The following NTN5 variants were observed in gnomAD, a reference collection of about 807,000 sequenced individuals.
NTN5 encodes the protein netrin-5.
In NTN5, 42 loss-of-function variants were observed where a neutral mutation model predicts 38.7. That is an observed-to-expected ratio of 1.08 (90% confidence interval 0.85 to 1.40). The LOEUF (loss-of-function observed/expected upper bound fraction) is 1.40, where lower values mean the gene tolerates loss of function less well. NTN5 is among the 40% of genes most tolerant of loss of function. NTN5 has a pLI of 0.00. For synonymous variants in NTN5, 329 were observed against 303.9 expected, an observed-to-expected ratio of 1.08 and a Z score of -0.86; for missense variants, 658 against 716.5, an observed-to-expected ratio of 0.92 and a Z score of 0.93.
At position 48,661,721 on chromosome 19, in the gene NTN5, G is replaced by A. The variant is rs533570940; in HGVS notation, c.1426C>T (p.Arg476Cys). 34 of 1,553,278 alleles carry A rather than the reference G, an allele frequency of 2.2e-5. No homozygotes were observed. The highest frequency in any genetic ancestry group is 2.8e-5 in the Non-Finnish European group (32 of 1,159,754). Residue 476 changes from arginine (R) to cysteine (C), a missense_variant, in exon 7 of 7, where the codon CGC (arginine) becomes TGC (cysteine). Physicochemically the swap from Arg to Cys is radical, Grantham distance 180. Coordinates refer to ENST00000270235, the MANE Select transcript of NTN5 (RefSeq NM_145807.4). The part of the protein sequence containing the change: ...LQQEERAGGC[R>C]GVRAPTPSPR... Reference sequence around the variant, plus strand: ...CTGGGTGTGGGTGCCCGCACGCCGCGGCAGCCTCCGGCGCGCTCCTCCTGC... The same window carrying A: ...CTGGGTGTGGGTGCCCGCACGCCGCAGCAGCCTCCGGCGCGCTCCTCCTGC...
At chr19:48,669,050 C>CACCACT (rs2031783694) in intron 2 of NTN5, among the ~76,000 whole-genome samples, 1 of 145,350 alleles carries the variant, frequency 6.9e-6, no homozygotes, top group Non-Finnish European at 1.5e-5. Context: ...TCACCACCAC[C>CACCACT]ATCACCATCA....
chr19:48,664,908 C>G (rs149374970), intron 2 of NTN5, 141 bp from the exon 3 acceptor site: 5 of 645,494 alleles, frequency 7.7e-6, no homozygotes, highest in Admixed American at 4.1e-5. Context: ...CCCAGGACAT[C>G]TCTATTATTA....
chr19:48,668,719 C>T (rs1355616862), intron 2 of NTN5, among the ~76,000 whole-genome samples: 1 of 152,124 alleles, frequency 6.6e-6, no homozygotes, highest in African/African-American at 2.4e-5. Context: ...TGAGTCTCCT[C>T]ATCTGTAAAA....
chr19:48,664,615 G>C lies in NTN5; in HGVS notation c.784C>G (p.Pro262Ala). 6.2e-7 allele frequency: 1 copy of C among 1,613,520 alleles called. No homozygotes were observed. The highest frequency in any genetic ancestry group is 8.5e-7 in the Non-Finnish European group (1 of 1,179,840). The change falls in exon 3 of 7, where the codon CCT becomes GCT. Residue 262 changes from proline to alanine, a missense_variant. Pro to Ala is a conservative substitution (Grantham distance 27, BLOSUM62 -1). Transcript: ENST00000270235. The part of the protein sequence containing the change: ...HYCQPGFWRD[P>A]SQPIFSRRAC... ...CTGCGGCTGAAGATAGGCTGGCTAGGGTCCCTCCAGAACCCAGGTTGGCAG... is the reference window on the plus strand; with the variant it reads ...CTGCGGCTGAAGATAGGCTGGCTAGCGTCCCTCCAGAACCCAGGTTGGCAG...
chr19:48,669,258 C>T (rs1310162718), intron 2 of NTN5, among the ~76,000 whole-genome samples: 1 of 16,738 alleles, frequency 6.0e-5, no homozygotes, highest in Admixed American at 4.3e-4. Flanking sequence ...ATCACCACCA[C>T]CACGACCATC....
chr19:48,667,870 A>AT (rs2031745658), intron 2 of NTN5, among the ~76,000 whole-genome samples: 2 of 151,972 alleles, frequency 1.3e-5, no homozygotes, highest in Admixed American at 6.6e-5. Context: ...GAAAAAAAAA[A>AT]GAAATAGAGG....
chr19:48,669,739 T>TCAC (rs2031870137), intron 2 of NTN5, among the ~76,000 whole-genome samples: 2 of 43,944 alleles, frequency 4.6e-5, no homozygotes, highest in African/African-American at 9.6e-5. Context: ...ACCATCACCA[T>TCAC]CACCACCACC....
At chr19:48,669,201 TC>T (rs2031800416) in intron 2 of NTN5, among the ~76,000 whole-genome samples, 1 of 16,234 alleles carries the variant, frequency 6.2e-5, no homozygotes, top group Non-Finnish European at 9.9e-5. Context: ...ATCACCACCA[TC>T]ACCATCACCA....
chr19:48,669,643 TCACCACCACCAA>T, intron 2 of NTN5, among the ~76,000 whole-genome samples: 2 of 54,190 alleles, frequency 3.7e-5, no homozygotes, highest in East Asian at 8.8e-4. Context: ...GTCATCACCA[TCACCACCACCAA>T]CACCACCACC....
At chr19:48,668,287 C>T (rs904772300) in intron 2 of NTN5, among the ~76,000 whole-genome samples, 8 of 152,114 alleles carry the variant, frequency 5.3e-5, no homozygotes, top group Non-Finnish European at 8.8e-5. Context: ...TGGGGAGTGG[C>T]GACTTTGGCA....
At chr19:48,665,466 G>C (rs1422006640) in intron 2 of NTN5, among the ~76,000 whole-genome samples, 1 of 149,816 alleles carries the variant, frequency 6.7e-6, no homozygotes, top group Non-Finnish European at 1.5e-5. Context: ...CATTGGACTG[G>C]AGCTGGTAAG....
chr19:48,670,514 T>G lies in NTN5; in HGVS notation c.473A>C (p.Gln158Pro). The G allele has an allele frequency of 1.3e-6, 2 of 1,484,896 alleles. No homozygotes were observed. The highest frequency in any genetic ancestry group is 1.8e-6 in the Non-Finnish European group (2 of 1,115,582). 92.0% of individuals were successfully genotyped at this position (1,484,896 alleles called of 1,614,324 possible). A position where few individuals can be genotyped will look rare whatever the true frequency, so the allele number is the denominator to read the frequency against. ...LAAAGLRGRC[Q>P]CHGHAARCAA... ...ACAGCGGGCAGCGTGGCCATGACACTGGCAGCGGCCTCTCAGCCCAGCTGC... is the reference window on the plus strand; with the variant it reads ...ACAGCGGGCAGCGTGGCCATGACACGGGCAGCGGCCTCTCAGCCCAGCTGC... The change falls in exon 2 of 7, where the codon CAG (glutamine) becomes CCG (proline). Residue 158 changes from glutamine (Q) to proline (P), a missense_variant. Coordinates refer to ENST00000270235, the MANE Select transcript of NTN5 (RefSeq NM_145807.4).
chr19:48,664,097 C>T lies in NTN5; in HGVS notation c.970+46G>A, dbSNP rs372701056. 30 of 1,557,660 alleles carry T rather than the reference C, an allele frequency of 1.9e-5. No homozygotes were observed. In the African/African-American group the frequency reaches 3.1e-4, roughly 16 times the overall value. On this transcript the variant is annotated intron_variant, in intron 4 of 6. Coordinates refer to ENST00000270235, the MANE Select transcript of NTN5 (RefSeq NM_145807.4). ...TGTGCACTGGAGACCTGGGATGTCTCCTTCCCGCTCTACTCAGGCTTGTGG... is the reference window on the plus strand; with the variant it reads ...TGTGCACTGGAGACCTGGGATGTCTTCTTCCCGCTCTACTCAGGCTTGTGG...
chr19:48,664,343 C>T, intron 3 of NTN5, 51 bp from the exon 4 acceptor site: 1 of 1,579,506 alleles, frequency 6.3e-7, no homozygotes, highest in Non-Finnish European at 8.6e-7. Flanking sequence ...CCCAGATGCC[C>T]CTCCCAATTC....
intron 2 of NTN5, among the ~76,000 whole-genome samples, chr19:48,669,676 TCACCACCATCAC>T (rs2031860665): frequency 1.3e-5 from 1 of 78,034 alleles, no homozygotes; most frequent in Non-Finnish European, 2.5e-5. Flanking sequence ...ATCACCATCA[TCACCACCATCAC>T]CACCACCATC....
At position 48,661,829 on chromosome 19, in the gene NTN5, C is replaced by A. The variant is rs1254632049; in HGVS notation, c.1318G>T (p.Asp440Tyr). The A allele has an allele frequency of 1.5e-5, 20 of 1,333,268 alleles. No homozygotes were observed. The highest frequency in any genetic ancestry group is 8.4e-5 in the Admixed American group (2 of 23,892). 82.6% of individuals were successfully genotyped at this position (1,333,268 alleles called of 1,614,324 possible). A position where few individuals can be genotyped will look rare whatever the true frequency, so the allele number is the denominator to read the frequency against. ...CGGTCGAGGATGAGGCGCGTGGGGTCGGGGTCGCCCACGGCGCTGCCCAGC... is the reference window on the plus strand; with the variant it reads ...CGGTCGAGGATGAGGCGCGTGGGGTAGGGGTCGCCCACGGCGCTGCCCAGC... ...LLLGSAVGDP[D>Y]PTRLILDRHG... Residue 440 changes from aspartate to tyrosine, a missense_variant, in exon 7 of 7, where the codon GAC (aspartate) becomes TAC (tyrosine). Coordinates refer to ENST00000270235, the MANE Select transcript of NTN5 (RefSeq NM_145807.4).
At chr19:48,662,965 G>C in intron 6 of NTN5, 1 of 286,230 alleles carries the variant, frequency 3.5e-6, no homozygotes, top group East Asian at 8.3e-5. Flanking sequence ...TGGCTGGGCC[G>C]AACTCCTGAG....
chr19:48,672,935 C>A lies in NTN5; in HGVS notation c.-24G>T. 3.8e-6 allele frequency: 1 copy of A among 261,810 alleles called. No individual in the cohort carries two copies. The highest frequency in any genetic ancestry group is 7.9e-6 in the Non-Finnish European group (1 of 125,884). The allele number at this position is 261,810 out of a possible 1,614,324, so 16.2% of individuals were successfully genotyped here. On this transcript the variant is annotated 5_prime_UTR_variant, in exon 1 of 7. Coordinates refer to ENST00000270235, the MANE Select transcript of NTN5 (RefSeq NM_145807.4). ...GAGGCCCCGACATTGGCCAAACCTG[C>A]ACTCAAGAAGAGAGCGTCCTGCAGC... is the stretch of plus-strand genomic sequence containing the variant.
Position 48,668,749 on chromosome 19 carries a change from G to A in NTN5, c.631+1607C>T, listed in dbSNP as rs144002087. On this transcript the variant is annotated intron_variant, in intron 2 of 6. Coordinates refer to ENST00000270235, the MANE Select transcript of NTN5 (RefSeq NM_145807.4). Reference sequence around the variant, plus strand: ...GTAAAATGGGCCTGATGACATCCCTGCCTGGCACACGTAGGTGACTGATAA... The same window carrying A: ...GTAAAATGGGCCTGATGACATCCCTACCTGGCACACGTAGGTGACTGATAA... Among the ~76,000 whole-genome samples, 848 of 152,238 alleles carry A rather than the reference G, an allele frequency of 5.6e-3. 9 individuals are homozygous for A. The highest frequency in any genetic ancestry group is 0.016 in the African/African-American group (657 of 41,526).
Sources: gnomAD v4.1 joint callset for allele counts (sites outside exome capture counted in the v4.1 genomes callset) on GRCh38, gnomAD v4.1.1 for gene constraint, MANE v1.5 for transcripts, NCBI Gene and HGNC (gene_info 2026-07-23, HGNC 2026-07-21) for gene names.